Variants in ARB2A observed in about 807,000 individuals in gnomAD.
The protein encoded by ARB2A is ARB2 cotranscriptional regulator A, also known as cotranscriptional regulator ARB2A.
chr5:94,046,448 T>C, the ARB2A span, among the ~76,000 whole-genome samples: 1 of 149,000 alleles, frequency 6.7e-6, no homozygotes, highest in Non-Finnish European at 1.5e-5. Flanking sequence ...GGGGGAACAG[T>C]GGGGTGGGGG....
At chr5:94,048,834 C>T in the ARB2A span, among the ~76,000 whole-genome samples, 36 of 152,278 alleles carry the variant, frequency 2.4e-4, no homozygotes, top group African/African-American at 7.9e-4. Context: ...CCTCTGTCTT[C>T]GAAGCCTGTT....
the ARB2A span, among the ~76,000 whole-genome samples, chr5:93,949,285 T>A: frequency 1.3e-5 from 2 of 151,900 alleles, no homozygotes; most frequent in Non-Finnish European, 2.9e-5. Context: ...CCCGATGTAA[T>A]TATTACTTAT....
the ARB2A span, among the ~76,000 whole-genome samples, chr5:93,855,784 G>T: frequency 6.6e-6 from 1 of 152,054 alleles, no homozygotes; most frequent in African/African-American, 2.4e-5. Flanking sequence ...TTGAATATTG[G>T]AAAGGACATG....
chr5:93,914,521 ATTAC>A, the ARB2A span, among the ~76,000 whole-genome samples: 2 of 151,986 alleles, frequency 1.3e-5, no homozygotes, highest in East Asian at 3.9e-4. Context: ...TGAATTTGAA[ATTAC>A]TTAATTTATC....
At chr5:94,071,714 C>A in the ARB2A span, among the ~76,000 whole-genome samples, 3,592 of 151,994 alleles carry the variant, frequency 0.024, 61 homozygotes, top group Non-Finnish European at 0.035. Context: ...GTAATAATAC[C>A]AAATGCTGAG....
chr5:93,861,961 A>G, the ARB2A span: 1 of 152,242 alleles, frequency 6.6e-6, no homozygotes, highest in Non-Finnish European at 1.5e-5. Context: ...TTGATCATGT[A>G]TATTCTATTT....
the ARB2A span, among the ~76,000 whole-genome samples, chr5:93,994,542 G>A: frequency 1.3e-5 from 2 of 151,884 alleles, no homozygotes; most frequent in Admixed American, 1.3e-4. Context: ...GTGTTCAACG[G>A]GTACATATAG....
At chr5:93,774,744 G>A in the ARB2A span, among the ~76,000 whole-genome samples, 5 of 152,102 alleles carry the variant, frequency 3.3e-5, no homozygotes, top group African/African-American at 1.2e-4. Context: ...CTTCATTCAG[G>A]CCTGAGTTAC....
chr5:93,923,459 AT>A, the ARB2A span, among the ~76,000 whole-genome samples: 1 of 152,092 alleles, frequency 6.6e-6, no homozygotes, highest in African/African-American at 2.4e-5. Context: ...ATTGTGGGTA[AT>A]TTTTCTTTTT....
At chr5:94,066,208 A>C in the ARB2A span, among the ~76,000 whole-genome samples, 1 of 152,094 alleles carries the variant, frequency 6.6e-6, no homozygotes, top group Admixed American at 6.6e-5. Context: ...GGTAAAAGGA[A>C]ACGATACAGC....
chr5:93,622,946 A>T, the ARB2A span, among the ~76,000 whole-genome samples: 1 of 152,170 alleles, frequency 6.6e-6, no homozygotes, highest in African/African-American at 2.4e-5. Flanking sequence ...TCAAATGACA[A>T]TCTTAAAGGA....
At chr5:94,024,640 T>C in the ARB2A span, among the ~76,000 whole-genome samples, 1 of 152,036 alleles carries the variant, frequency 6.6e-6, no homozygotes, top group Non-Finnish European at 1.5e-5. Flanking sequence ...TTATACATGC[T>C]ACAAAAGAAT....
the ARB2A span, among the ~76,000 whole-genome samples, chr5:93,930,985 C>T: frequency 1.4e-4 from 21 of 152,174 alleles, no homozygotes; most frequent in African/African-American, 4.3e-4. Context: ...TCTCCCTCCC[C>T]TTGCCACCCA....
At chr5:94,080,088 G>C in the ARB2A span, among the ~76,000 whole-genome samples, 1 of 151,976 alleles carries the variant, frequency 6.6e-6, no homozygotes, top group Non-Finnish European at 1.5e-5. Context: ...CCCTTTATGA[G>C]GTTTTCATAA....
At chr5:94,100,911 C>T in the ARB2A span, among the ~76,000 whole-genome samples, 12 of 152,130 alleles carry the variant, frequency 7.9e-5, no homozygotes, top group South Asian at 4.2e-4. Context: ...CAAAAGCAAT[C>T]GCAACAAAAG....
the ARB2A span, among the ~76,000 whole-genome samples, chr5:94,103,822 A>ATTTTTTCAGTTTT: frequency 1.3e-5 from 2 of 151,246 alleles, no homozygotes; most frequent in Non-Finnish European, 3.0e-5. Flanking sequence ...AACTGAAATT[A>ATTTTTTCAGTTTT]TACCACATTC....
the ARB2A span, among the ~76,000 whole-genome samples, chr5:93,724,533 GC>G: frequency 6.6e-6 from 1 of 151,940 alleles, no homozygotes; most frequent in Non-Finnish European, 1.5e-5. Flanking sequence ...TCAAACTTTA[GC>G]TAGTTAAAAT....
At chr5:94,110,284 A>G in the ARB2A span, among the ~76,000 whole-genome samples, 2 of 152,152 alleles carry the variant, frequency 1.3e-5, no homozygotes, top group Admixed American at 1.3e-4. Flanking sequence ...AGGACTTTCT[A>G]TTTTGTTTAC....
At chr5:93,620,607 A>C in the ARB2A span, 1 of 172,926 alleles carries the variant, frequency 5.8e-6, no homozygotes. Context: ...AGGAGGGGGA[A>C]GCAGCAGCGG....
Sources: gnomAD v4.1 joint callset for allele counts (sites outside exome capture counted in the v4.1 genomes callset) on GRCh38, gnomAD v4.1.1 for gene constraint, MANE v1.5 for transcripts, NCBI Gene and HGNC (gene_info 2026-07-23, HGNC 2026-07-21) for gene names.